DOK5: variants seen among roughly 807,000 people sequenced by gnomAD.
The protein encoded by DOK5 is docking protein 5, also known as downstream of tyrosine kinase 5.
A neutral mutation model predicts 43.3 loss-of-function variants in DOK5; 27 were observed. The observed-to-expected ratio is 0.62, with a 90% CI of 0.46 to 0.86. The LOEUF (loss-of-function observed/expected upper bound fraction) is 0.86. Ranked by LOEUF, DOK5 falls within the 40% of genes least tolerant of loss-of-function variation. The pLI is 0.00. For missense variants in DOK5, 373 were observed against 392.9 expected (o/e 0.95, Z 0.43); for synonymous variants, 146 against 140.1 (o/e 1.04, Z -0.30).
intron 2 of DOK5, among the ~76,000 whole-genome samples, chr20:54,579,516 G>C (rs1463774103): frequency 3.3e-5 from 5 of 151,906 alleles, no homozygotes; most frequent in Admixed American, 6.6e-5. Context: ...TTTAAATCAC[G>C]TGTGACTAGA....
At chr20:54,566,006 G>C (rs529222096) in intron 2 of DOK5, among the ~76,000 whole-genome samples, 2 of 136,230 alleles carry the variant, frequency 1.5e-5, no homozygotes, top group South Asian at 2.2e-4. Context: ...GACAGAGCGA[G>C]ATTCCGTCTC....
chr20:54,524,716 C>T (rs1414809630), intron 1 of DOK5, among the ~76,000 whole-genome samples: 1 of 152,230 alleles, frequency 6.6e-6, no homozygotes, highest in Non-Finnish European at 1.5e-5. Flanking sequence ...CAACTTAGAA[C>T]ATACAGCATT....
intron 1 of DOK5, among the ~76,000 whole-genome samples, chr20:54,489,236 A>G (rs1982066954): frequency 6.6e-6 from 1 of 152,232 alleles, no homozygotes; most frequent in Non-Finnish European, 1.5e-5. Flanking sequence ...CTTTTGGAGT[A>G]GGTAATATGT....
chr20:54,517,397 A>G (rs1311264641), intron 1 of DOK5, among the ~76,000 whole-genome samples: 2 of 152,164 alleles, frequency 1.3e-5, no homozygotes, highest in Non-Finnish European at 2.9e-5. Flanking sequence ...TTGTAGCCTA[A>G]CCACTGTGTA....
At position 54,475,931 on chromosome 20, in the gene DOK5, T is replaced by C; in HGVS notation, c.-16T>C. On this transcript the variant is annotated 5_prime_UTR_variant, in exon 1 of 8. Transcript: ENST00000262593. This position sits in a 1 kb window ranked among gnomAD's most constrained non-coding sequence, Gnocchi z 4.2. ...TGCGCGCTCTTGGGTAAAGGGGGGG[T>C]CACCGGCTGTCTGGGATGGCTTCCA... The C allele has an allele frequency of 6.2e-7, 1 of 1,611,402 alleles. No homozygotes were observed. Among genetic ancestry groups the C allele is most frequent in the Non-Finnish European group, 8.5e-7 (1 of 1,179,342 alleles).
chr20:54,637,645 A>G (rs147278472), intron 6 of DOK5, among the ~76,000 whole-genome samples: 5 of 152,366 alleles, frequency 3.3e-5, no homozygotes, highest in African/African-American at 1.2e-4. Flanking sequence ...TTTCAGCATG[A>G]ATTCAGCCTT....
intron 5 of DOK5, among the ~76,000 whole-genome samples, chr20:54,603,606 T>A (rs1204951225): frequency 6.6e-6 from 1 of 152,196 alleles, no homozygotes; most frequent in Non-Finnish European, 1.5e-5. Flanking sequence ...TTTTGGTTGT[T>A]AAACTGCAGG....
intron 1 of DOK5, among the ~76,000 whole-genome samples, chr20:54,549,074 G>A (rs1425699852): frequency 1.3e-5 from 2 of 152,180 alleles, no homozygotes; most frequent in Admixed American, 6.5e-5. Context: ...TGCCCGCATC[G>A]GGAAGCACTT....
At chr20:54,635,562 A>G (rs558106746) in intron 6 of DOK5, among the ~76,000 whole-genome samples, 10 of 152,288 alleles carry the variant, frequency 6.6e-5, no homozygotes, top group Middle Eastern at 3.4e-3. Context: ...TTTTGAATCT[A>G]CCTATGACCT....
At chr20:54,643,749 A>G (rs969331434) in intron 7 of DOK5, among the ~76,000 whole-genome samples, 171 bp downstream of exon 7, 1 of 152,204 alleles carries the variant, frequency 6.6e-6, no homozygotes, top group Non-Finnish European at 1.5e-5. Context: ...GTAGAGCCAA[A>G]TATCTGTATG....
intron 2 of DOK5, among the ~76,000 whole-genome samples, chr20:54,585,686 G>T (rs1469964268): frequency 6.6e-6 from 1 of 152,204 alleles, no homozygotes; most frequent in Non-Finnish European, 1.5e-5. Flanking sequence ...AGGCTTTAGG[G>T]TTAGTTTGCT....
At chr20:54,491,711 G>A (rs569886913) in intron 1 of DOK5, among the ~76,000 whole-genome samples, 43 of 152,278 alleles carry the variant, frequency 2.8e-4, no homozygotes, top group African/African-American at 9.6e-4. Context: ...TCAAGTACCC[G>A]AAACATTCTA....
chr20:54,475,807 C>A lies in DOK5; in HGVS notation c.-140C>A. The A allele has an allele frequency of 2.0e-6, 2 of 999,846 alleles. No homozygotes were observed. Among genetic ancestry groups the A allele is most frequent in the Non-Finnish European group, 1.5e-6 (1 of 668,352 alleles). 61.9% of individuals were successfully genotyped at this position (999,846 alleles called of 1,614,324 possible). A position where few individuals can be genotyped will look rare whatever the true frequency, so the allele number is the denominator to read the frequency against. On this transcript the variant is annotated 5_prime_UTR_variant, in exon 1 of 8. Coordinates refer to ENST00000262593, the MANE Select transcript of DOK5 (RefSeq NM_018431.5). This position sits in a 1 kb window ranked among gnomAD's most constrained non-coding sequence, Gnocchi z 4.2. Reference sequence around the variant, plus strand: ...AGAAAGTGATGTGCGCCTTCTAAAGCCTCGCCCAGCGCCGCCGAAGCAGCT... The same window carrying A: ...AGAAAGTGATGTGCGCCTTCTAAAGACTCGCCCAGCGCCGCCGAAGCAGCT...
intron 2 of DOK5, among the ~76,000 whole-genome samples, chr20:54,572,532 C>T (rs1985317325): frequency 6.6e-6 from 1 of 152,058 alleles, no homozygotes; most frequent in South Asian, 2.1e-4. Flanking sequence ...AATTAAATGA[C>T]ATGATTGATA....
At chr20:54,550,180 C>T (rs959745121) in intron 1 of DOK5, among the ~76,000 whole-genome samples, 1 of 87,436 alleles carries the variant, frequency 1.1e-5, no homozygotes, top group Non-Finnish European at 2.7e-5. Flanking sequence ...GATTGGATGG[C>T]AAAAAAAAAA....
chr20:54,509,966 G>A (rs1982957003), intron 1 of DOK5, among the ~76,000 whole-genome samples: 1 of 151,908 alleles, frequency 6.6e-6, no homozygotes, highest in Admixed American at 6.6e-5. Context: ...GGGGGGATGG[G>A]GGGAGGGAGA....
chr20:54,609,444 G>A (rs1193861520), intron 5 of DOK5, among the ~76,000 whole-genome samples: 1 of 151,786 alleles, frequency 6.6e-6, no homozygotes, highest in African/African-American at 2.4e-5. Context: ...TTTTGTCCAA[G>A]TTCTTTAAAA....
chr20:54,635,942 T>G (rs1318775145), intron 6 of DOK5, among the ~76,000 whole-genome samples: 1 of 152,244 alleles, frequency 6.6e-6, no homozygotes, highest in Non-Finnish European at 1.5e-5. Context: ...AATTTACTTC[T>G]TATAGTTCTA....
chr20:54,573,436 C>T (rs1347335624), intron 2 of DOK5, among the ~76,000 whole-genome samples: 1 of 151,948 alleles, frequency 6.6e-6, no homozygotes, highest in East Asian at 1.9e-4. Flanking sequence ...GCCTGTAATC[C>T]CAGCACTTTG....
Sources: gnomAD v4.1 joint callset for allele counts (sites outside exome capture counted in the v4.1 genomes callset) on GRCh38, gnomAD v4.1.1 for gene constraint, Gnocchi (gnomAD v3.1) non-coding constraint, MANE v1.5 for transcripts, NCBI Gene and HGNC (gene_info 2026-07-23, HGNC 2026-07-21) for gene names.